OSBPL3: variants seen among roughly 807,000 people sequenced by gnomAD.
The protein encoded by OSBPL3 is oxysterol binding protein like 3.
OSBPL3 carries 65 observed loss-of-function variants against 120.1 expected under a neutral mutation model. The observed-to-expected ratio is 0.54, with a 90% CI of 0.44 to 0.67. The LOEUF is 0.67. OSBPL3 is among the 30% of genes least tolerant of loss of function. The pLI is 0.00. For missense variants in OSBPL3, 1,004 were observed against 1,082.1 expected (o/e 0.93, Z 1.01); for synonymous variants, 416 against 402.6 (o/e 1.03, Z -0.40).
chr7:24,814,947 G>T, intron 19 of OSBPL3, 112 bp downstream of exon 19: 1 of 980,218 alleles, frequency 1.0e-6, no homozygotes, highest in Non-Finnish European at 1.6e-6. Flanking sequence ...GGCATTGCTT[G>T]CCTGCTGGCA....
At chr7:24,887,502 A>G (rs1300918101) in intron 2 of OSBPL3, among the ~76,000 whole-genome samples, 2 of 152,234 alleles carry the variant, frequency 1.3e-5, no homozygotes, top group Admixed American at 6.5e-5. Flanking sequence ...AAGACTGTCA[A>G]TGTCTTTTAG....
chr7:24,806,667 G>T lies in OSBPL3; in HGVS notation c.2444+109C>A. ...GCATCCCCACCTCTCAATTCCTGAT[G>T]ACATTTTCCACCTTTCTCAGGTGCC... On this transcript the variant is annotated intron_variant, in intron 21 of 22. Coordinates refer to ENST00000313367, the MANE Select transcript of OSBPL3 (RefSeq NM_015550.4). The surrounding 1 kb of genome is among the most constrained non-coding windows in gnomAD (Gnocchi z 5.2). 3 of 974,514 alleles carry T rather than the reference G, an allele frequency of 3.1e-6. No homozygotes were observed. Among genetic ancestry groups the T allele is most frequent in the South Asian group, 1.8e-5 (1 of 54,682 alleles). 60.4% of individuals were successfully genotyped at this position (974,514 alleles called of 1,614,324 possible).
chr7:24,841,944 C>T (rs1252759137), intron 13 of OSBPL3, among the ~76,000 whole-genome samples: 4 of 151,350 alleles, frequency 2.6e-5, no homozygotes, highest in Non-Finnish European at 4.4e-5. Flanking sequence ...ACCTGGGAGC[C>T]GGAGGTTGCA....
chr7:24,852,687 A>G lies in OSBPL3; in HGVS notation c.1028-53T>C. 8.2e-7 allele frequency: 1 copy of G among 1,214,420 alleles called. No individual in the cohort carries two copies. The highest frequency in any genetic ancestry group is 1.1e-6 in the Non-Finnish European group (1 of 889,874). 75.2% of individuals were successfully genotyped at this position (1,214,420 alleles called of 1,614,324 possible). Reference sequence around the variant, plus strand: ...GAATAAGGAGGCATAATTAAAAACAAAATACAGAAAAAAACATATCTCTTA... The same window carrying G: ...GAATAAGGAGGCATAATTAAAAACAGAATACAGAAAAAAACATATCTCTTA... On this transcript the variant is annotated intron_variant, in intron 10 of 22. Transcript: ENST00000313367. The surrounding 1 kb of genome is among the most constrained non-coding windows in gnomAD (Gnocchi z 4.1).
intron 12 of OSBPL3, among the ~76,000 whole-genome samples, chr7:24,846,756 T>C (rs975242571): frequency 1.3e-5 from 2 of 152,270 alleles, no homozygotes; most frequent in Non-Finnish European, 2.9e-5. Context: ...AGATGGGTAA[T>C]ACGTGTGGCT....
In OSBPL3 at chr7:24,830,931, T is replaced by C; in HGVS notation, c.1747-26A>G. 1 of 1,570,922 alleles carries C rather than the reference T, an allele frequency of 6.4e-7. No homozygotes were observed. The highest frequency in any genetic ancestry group is 8.6e-7 in the Non-Finnish European group (1 of 1,163,810). On this transcript the variant is annotated intron_variant, in intron 15 of 22. Coordinates refer to ENST00000313367, the MANE Select transcript of OSBPL3 (RefSeq NM_015550.4). This position sits in a 1 kb window ranked among gnomAD's most constrained non-coding sequence, Gnocchi z 4.4. ...CTAAGGACAAGAGAAAAGAACTTTG[T>C]CATTTCCGTGTCACCAAGAGCTTTA...
At position 24,871,551 on chromosome 7, in the gene OSBPL3, G is replaced by T. The variant is rs975681031; in HGVS notation, c.267+191C>A. On this transcript the variant is annotated intron_variant, in intron 4 of 22. Coordinates refer to ENST00000313367, the MANE Select transcript of OSBPL3 (RefSeq NM_015550.4). The surrounding 1 kb of genome is among the most constrained non-coding windows in gnomAD (Gnocchi z 4.8). ...TTTGCATGCCCAGAGAGTGTTGCGG[G>T]AGCCCCTGCACCTTGACCTGGTGGA... Among the ~76,000 whole-genome samples, 1 of 152,124 alleles carries T rather than the reference G, an allele frequency of 6.6e-6. No homozygotes were observed. Among genetic ancestry groups the T allele is most frequent in the Admixed American group, 6.5e-5 (1 of 15,278 alleles).
rs373041551 is a variant in OSBPL3, at chr7:24,895,734, C to T, written c.-149-3113G>A. 4.6e-5 allele frequency among the ~76,000 whole-genome samples: 7 copies of T among 152,226 alleles called. No individual in the cohort carries two copies. In the South Asian group the frequency reaches 8.3e-4, roughly 18 times the overall value. The stretch of plus-strand genomic sequence containing the variant: ...AGTGCTTTCACTCCACCCGGAGACC[C>T]TTCCATGGAAAACCTCTAATTCAAA... On this transcript the variant is annotated intron_variant, in intron 1 of 22. Transcript: ENST00000313367.
At chr7:24,917,399 A>ATATATATATATATATAT (rs1194293107) in intron 1 of OSBPL3, among the ~76,000 whole-genome samples, 1 of 42,982 alleles carries the variant, frequency 2.3e-5, no homozygotes, top group Non-Finnish European at 4.5e-5. Flanking sequence ...ATATATTTGT[A>ATATATATATATATATAT]ACATATATAT....
chr7:24,980,018 G>A lies in OSBPL3; in HGVS notation c.-282C>T. The A allele has an allele frequency of 4.1e-6, 4 of 985,444 alleles. No homozygotes were observed. Among genetic ancestry groups the A allele is most frequent in the Non-Finnish European group, 4.8e-6 (4 of 829,998 alleles). The allele number at this position is 985,444 out of a possible 1,614,324, so 61.0% of individuals were successfully genotyped here. A position where few individuals can be genotyped will look rare whatever the true frequency, so the allele number is the denominator to read the frequency against. ...ACGTGCAGCTGACAGCTCCCGCACC[G>A]GCCGCAGGAGTCGGGGGCGGGGATG... On this transcript the variant is annotated 5_prime_UTR_variant, in exon 1 of 23. Transcript: ENST00000313367.
intron 14 of OSBPL3, among the ~76,000 whole-genome samples, chr7:24,839,866 T>C: frequency 6.6e-6 from 1 of 151,554 alleles, no homozygotes; most frequent in East Asian, 1.9e-4. Context: ...GGTGCGTGCC[T>C]GTATTCTCCA....
intron 2 of OSBPL3, among the ~76,000 whole-genome samples, chr7:24,885,358 T>C (rs556983264): frequency 6.6e-6 from 1 of 152,148 alleles, no homozygotes; most frequent in East Asian, 1.9e-4. Context: ...CCCATTCCAC[T>C]CACCTGTTTT....
intron 1 of OSBPL3, among the ~76,000 whole-genome samples, chr7:24,961,841 A>G (rs1388481022): frequency 6.6e-6 from 1 of 152,210 alleles, no homozygotes; most frequent in African/African-American, 2.4e-5. Flanking sequence ...AATGAGTATA[A>G]CTTGGTAAAG....
chr7:24,892,673 A>C, intron 1 of OSBPL3, 52 bp from the exon 2 acceptor site: 1 of 1,270,880 alleles, frequency 7.9e-7, no homozygotes. Context: ...ATCATCTCTA[A>C]TTTGCCACAA....
Position 24,863,700 on chromosome 7 carries a change from A to ATT in OSBPL3, c.674-103_674-102dup. 2 of 713,402 alleles carry ATT rather than the reference A, an allele frequency of 2.8e-6. No homozygotes were observed. The highest frequency in any genetic ancestry group is 4.7e-6 in the Non-Finnish European group (2 of 426,810). 44.2% of individuals were successfully genotyped at this position (713,402 alleles called of 1,614,324 possible). On this transcript the variant is annotated intron_variant, in intron 7 of 22. Transcript: ENST00000313367. The surrounding 1 kb of genome is among the most constrained non-coding windows in gnomAD (Gnocchi z 5.8). ...ACTTTTCCTTATTTATCTGTAGTTG[A>ATT]TTTTTTTTTTCATCTGTAAGGGTTG... is the stretch of plus-strand genomic sequence containing the variant.
At position 24,900,620 on chromosome 7, in the gene OSBPL3, C is replaced by T. The variant is rs1445651944; in HGVS notation, c.-149-7999G>A. On this transcript the variant is annotated intron_variant, in intron 1 of 22. Transcript: ENST00000313367. This position sits in a 1 kb window ranked among gnomAD's most constrained non-coding sequence, Gnocchi z 4.5. The stretch of plus-strand genomic sequence containing the variant: ...CACATGTGCTTCCAGTCTCCACTCC[C>T]AAGCTTTGTCATCATGGCAAAATTC... Among the ~76,000 whole-genome samples the T allele has an allele frequency of 1.3e-5, 2 of 152,148 alleles. No homozygotes were observed. Among genetic ancestry groups the T allele is most frequent in the African/African-American group, 4.8e-5 (2 of 41,436 alleles).
intron 1 of OSBPL3, among the ~76,000 whole-genome samples, chr7:24,974,745 G>A (rs12538542): frequency 0.29 from 44,579 of 152,106 alleles, 7,327 homozygotes; most frequent in Non-Finnish European, 0.39. Flanking sequence ...AGCCAGACAC[G>A]AAAGGCCACA....
intron 1 of OSBPL3, among the ~76,000 whole-genome samples, chr7:24,929,962 A>G (rs918081927): frequency 2.0e-5 from 3 of 152,186 alleles, no homozygotes; most frequent in African/African-American, 7.2e-5. Flanking sequence ...AAAAAAACCA[A>G]CCAAATCCCC....
At chr7:24,870,667 T>A in intron 5 of OSBPL3, 65 bp downstream of exon 5, 2 of 984,176 alleles carry the variant, frequency 2.0e-6, no homozygotes, top group East Asian at 2.4e-5. Context: ...GCATTACCAA[T>A]AGTATAATAA....
Sources: gnomAD v4.1 joint callset for allele counts (sites outside exome capture counted in the v4.1 genomes callset) on GRCh38, gnomAD v4.1.1 for gene constraint, Gnocchi (gnomAD v3.1) non-coding constraint, MANE v1.5 for transcripts, NCBI Gene and HGNC (gene_info 2026-07-23, HGNC 2026-07-21) for gene names.